Variants in RIMBP2 observed in about 807,000 individuals in gnomAD.
RIMBP2 encodes RIMS-binding protein 2.
In RIMBP2, 48 loss-of-function variants were observed where a neutral mutation model predicts 118.6. That is an observed-to-expected ratio of 0.40 (90% CI 0.32 to 0.51). The LOEUF (loss-of-function observed/expected upper bound fraction) is 0.51, where lower values mean the gene tolerates loss of function less well. Among genes scored for constraint, RIMBP2 ranks in the 20% least tolerant of loss-of-function variants. The pLI is 0.41. For missense variants in RIMBP2, 1,551 were observed against 1,768.3 expected, an observed-to-expected ratio of 0.88 and a Z score of 2.20; for synonymous variants, 762 against 742.9, an observed-to-expected ratio of 1.03 and a Z score of -0.42.
intron 3 of RIMBP2, among the ~76,000 whole-genome samples, chr12:130,510,276 G>C (rs2050778866): frequency 6.6e-6 from 1 of 152,226 alleles, no homozygotes; most frequent in South Asian, 2.1e-4. Flanking sequence ...ATACGGTAGA[G>C]TGGAAACACT....
At chr12:130,458,343 C>T (rs12312986) in intron 6 of RIMBP2, among the ~76,000 whole-genome samples, 39,097 of 152,062 alleles carry the variant, frequency 0.26, 6,250 homozygotes, top group Non-Finnish European at 0.34. Context: ...AACCCAGGGG[C>T]TCTGGGGCCT....
At chr12:130,594,414 A>T (rs1210594858) in intron 2 of RIMBP2, among the ~76,000 whole-genome samples, 1 of 152,236 alleles carries the variant, frequency 6.6e-6, no homozygotes, top group Admixed American at 6.5e-5. Flanking sequence ...TCTAGATTGC[A>T]TTGCACATAG....
chr12:130,432,000 G>A lies in RIMBP2; in HGVS notation c.2253+2734C>T, dbSNP rs2077181742. ...GCCTCAGTCACACTCAGCCCCAGGT[G>A]GCCACATGTCAAGGGCTCTGGGGCC... On this transcript the variant is annotated intron_variant, in intron 14 of 22. Coordinates refer to ENST00000690449, the MANE Select transcript of RIMBP2 (RefSeq NM_001393629.1). This position sits in a 1 kb window ranked among gnomAD's most constrained non-coding sequence, Gnocchi z 4.0. 5.5e-6 allele frequency: 1 copy of A among 182,874 alleles called. No homozygotes were observed. The highest frequency in any genetic ancestry group is 2.5e-5 in the African/African-American group (1 of 40,636). The allele number at this position is 182,874 out of a possible 1,614,324, so 11.3% of individuals were successfully genotyped here.
intron 16 of RIMBP2, among the ~76,000 whole-genome samples, chr12:130,423,026 G>C (rs1368845194): frequency 1.3e-5 from 2 of 152,150 alleles, no homozygotes. Context: ...AAAACTGAAA[G>C]ACGGAAGTTT....
chr12:130,437,364 G>A, intron 12 of RIMBP2, 73 bp from the exon 13 acceptor site: 1 of 1,296,932 alleles, frequency 7.7e-7, no homozygotes, highest in Non-Finnish European at 1.1e-6. Flanking sequence ...GAGCCGACCA[G>A]TCCTCTGCCC....
chr12:130,649,560 G>A (rs1301829093), intron 1 of RIMBP2, among the ~76,000 whole-genome samples: 5 of 152,210 alleles, frequency 3.3e-5, no homozygotes, highest in Non-Finnish European at 7.3e-5. Flanking sequence ...TGTGCAATGG[G>A]GAAAAATCCG....
At position 130,412,765 on chromosome 12, in the gene RIMBP2, T is replaced by C. The variant is rs1195743121; in HGVS notation, c.3443A>G (p.Asp1148Gly). The change falls in exon 19 of 23, where the codon GAT becomes GGT. Residue 1148 changes from aspartate to glycine, a missense_variant. Coordinates refer to ENST00000690449, the MANE Select transcript of RIMBP2 (RefSeq NM_001393629.1). The stretch of plus-strand genomic sequence containing the variant: ...ACAGGTTTCCCCACGGTAGAATCCA[T>C]CAGCGTCTTTATCACCATAAACCTA... ...IIKVYGDKDA[D>G]GFYRGETCAR... 1 of 1,613,744 alleles carries C rather than the reference T, an allele frequency of 6.2e-7. No individual in the cohort carries two copies. The highest frequency in any genetic ancestry group is 8.5e-7 in the Non-Finnish European group (1 of 1,179,908).
In RIMBP2 at chr12:130,447,423, G is replaced by A. The variant is rs991196668; in HGVS notation, c.582-2154C>T. Among the ~76,000 whole-genome samples, 4 of 152,154 alleles carry A rather than the reference G, an allele frequency of 2.6e-5. No homozygotes were observed. Among genetic ancestry groups the A allele is most frequent in the Non-Finnish European group, 4.4e-5 (3 of 68,026 alleles). ...CTGTGTGGATGAGACCAGGGGACAC[G>A]TCGGGAATGGGGACTCAACAGAGAC... On this transcript the variant is annotated intron_variant, in intron 9 of 22. Transcript: ENST00000690449. The surrounding 1 kb of genome is among the most constrained non-coding windows in gnomAD (Gnocchi z 4.4).
intron 2 of RIMBP2, among the ~76,000 whole-genome samples, chr12:130,608,392 T>C (rs2060312363): frequency 6.6e-6 from 1 of 152,230 alleles, no homozygotes; most frequent in Non-Finnish European, 1.5e-5. Context: ...CACTGATTTC[T>C]CTGGGCCCTT....
chr12:130,681,841 C>T lies in RIMBP2; in HGVS notation c.-352+34381G>A, dbSNP rs998082515. Among the ~76,000 whole-genome samples, 6 of 152,020 alleles carry T rather than the reference C, an allele frequency of 3.9e-5. 1 individual carries two copies. The East Asian group carries it at 5.8e-4, about 15-fold the overall frequency. ...TCCCAAGCAGCTGGGATTACAGGGG[C>T]TCACCACCATGCCCGGCTAATTTTT... On this transcript the variant is annotated intron_variant, in intron 1 of 22. Transcript: ENST00000690449.
chr12:130,700,311 T>C (rs1593033581), intron 1 of RIMBP2, among the ~76,000 whole-genome samples: 1 of 152,164 alleles, frequency 6.6e-6, no homozygotes, highest in Non-Finnish European at 1.5e-5. Flanking sequence ...GAGGAATCTC[T>C]AAGACACCAG....
intron 1 of RIMBP2, among the ~76,000 whole-genome samples, chr12:130,705,818 G>T (rs1401012577): frequency 6.6e-6 from 1 of 152,218 alleles, no homozygotes; most frequent in Non-Finnish European, 1.5e-5. Context: ...TGGGACCAAC[G>T]GAGGCAGAAG....
chr12:130,587,727 C>T (rs1385244864), intron 2 of RIMBP2, among the ~76,000 whole-genome samples: 1 of 125,454 alleles, frequency 8.0e-6, no homozygotes. Context: ...ATACCTAATG[C>T]TAGATGACGA....
At position 130,692,244 on chromosome 12, in the gene RIMBP2, T is replaced by G. The variant is rs150661344; in HGVS notation, c.-352+23978A>C. 2.2e-3 allele frequency among the ~76,000 whole-genome samples: 331 copies of G among 152,252 alleles called. 2 individuals are homozygous for G. Among genetic ancestry groups the G allele is most frequent in the Non-Finnish European group, 3.6e-3 (246 of 68,014 alleles). Reference sequence around the variant, plus strand: ...GTCCCCCTGAGATGGCACCTTCACCTGCACGTGGGGGGCCCCCCAGGGCCT... The same window carrying G: ...GTCCCCCTGAGATGGCACCTTCACCGGCACGTGGGGGGCCCCCCAGGGCCT... On this transcript the variant is annotated intron_variant, in intron 1 of 22. Coordinates refer to ENST00000690449, the MANE Select transcript of RIMBP2 (RefSeq NM_001393629.1).
intron 15 of RIMBP2, 192 bp from the exon 16 acceptor site, chr12:130,425,050 T>G: frequency 1.3e-5 from 5 of 384,626 alleles, no homozygotes; most frequent in Admixed American, 4.5e-5. Flanking sequence ...GTTACGGGGC[T>G]GGGGCGGGGT....
Position 130,489,318 on chromosome 12 carries a change from G to A in RIMBP2, c.-3-10302C>T, listed in dbSNP as rs576343288. 2.0e-5 allele frequency among the ~76,000 whole-genome samples: 3 copies of A among 152,214 alleles called. No homozygotes were observed. The South Asian group carries it at 6.2e-4, about 32-fold the overall frequency. On this transcript the variant is annotated intron_variant, in intron 4 of 22. Transcript: ENST00000690449. ...CAGGATGGAATCCCACAACATCTTG[G>A]CTTTGGGTCACCCTGCACCCCAGCC...
chr12:130,470,360 G>A (rs990421289), intron 6 of RIMBP2: 4 of 262,012 alleles, frequency 1.5e-5, no homozygotes, highest in Middle Eastern at 1.1e-3. Context: ...ACAAGCAAGC[G>A]AGTGAGCCAC....
intron 1 of RIMBP2, among the ~76,000 whole-genome samples, chr12:130,639,303 C>A (rs563958666): frequency 6.6e-6 from 1 of 150,604 alleles, no homozygotes; most frequent in East Asian, 2.0e-4. Flanking sequence ...GCAGGAGAAT[C>A]GTTTGAACCC....
chr12:130,610,551 CTT>C (rs386378269), intron 2 of RIMBP2, among the ~76,000 whole-genome samples: 295 of 81,492 alleles, frequency 3.6e-3, no homozygotes, highest in African/African-American at 0.013. Flanking sequence ...AATTTTCCTG[CTT>C]TTTTTTTTTT....
Sources: allele counts gnomAD v4.1 joint callset (sites outside exome capture counted in the v4.1 genomes callset), GRCh38; gene constraint gnomAD v4.1.1; non-coding constraint Gnocchi (gnomAD v3.1); transcripts MANE v1.5; gene names NCBI Gene and HGNC (gene_info 2026-07-23, HGNC 2026-07-21).